Variants in FER observed in about 807,000 individuals in gnomAD.
The protein encoded by FER is tyrosine-protein kinase Fer.
FER carries 63 observed loss-of-function variants against 111.0 expected under a neutral mutation model. That is an observed-to-expected ratio of 0.57 (90% CI 0.46 to 0.70). FER has a LOEUF of 0.70. Ranked by LOEUF, FER falls within the 30% of genes least tolerant of loss-of-function variation. The pLI is 0.00. For missense variants in FER, 914 were observed against 954.0 expected, an observed-to-expected ratio of 0.96 and a Z score of 0.55; for synonymous variants, 327 against 313.9, an observed-to-expected ratio of 1.04 and a Z score of -0.44.
At chr5:109,085,007 T>G (rs1212503041) in intron 16 of FER, among the ~76,000 whole-genome samples, 1 of 151,866 alleles carries the variant, frequency 6.6e-6, no homozygotes, top group Non-Finnish European at 1.5e-5. Context: ...TAAAATTGGA[T>G]AGTCAAACTC....
At chr5:109,029,656 A>G (rs1769316736) in intron 13 of FER, among the ~76,000 whole-genome samples, 1 of 152,016 alleles carries the variant, frequency 6.6e-6, no homozygotes, top group Admixed American at 6.6e-5. Flanking sequence ...ATACTGTGCT[A>G]CTTTTGTCCA....
Position 108,935,075 on chromosome 5 carries a change from G to T in FER, c.1237-11055G>T, listed in dbSNP as rs540018092. 2.0e-5 allele frequency among the ~76,000 whole-genome samples: 3 copies of T among 152,158 alleles called. No homozygotes were observed. The South Asian group carries it at 6.2e-4, about 32-fold the overall frequency. ...TTCTTAGACATTTAAGGTAGCTGCT[G>T]CTTATAAGGTAAATATGCAGTGATT... On this transcript the variant is annotated intron_variant, in intron 10 of 19. Coordinates refer to ENST00000281092, the MANE Select transcript of FER (RefSeq NM_005246.4).
chr5:109,031,451 A>G (rs1466961446), intron 13 of FER, among the ~76,000 whole-genome samples: 1 of 152,194 alleles, frequency 6.6e-6, no homozygotes, highest in African/African-American at 2.4e-5. Flanking sequence ...TGGATAATAT[A>G]CATTCTATAT....
At chr5:108,811,170 T>C (rs1757718929) in intron 3 of FER, among the ~76,000 whole-genome samples, 1 of 151,624 alleles carries the variant, frequency 6.6e-6, no homozygotes, top group Non-Finnish European at 1.5e-5. Context: ...TCTGCCTAGG[T>C]GTGAAGTGGA....
chr5:109,037,348 C>A, intron 13 of FER, 74 bp from the exon 14 acceptor site: 1 of 1,279,084 alleles, frequency 7.8e-7, no homozygotes, highest in Admixed American at 1.8e-5. Flanking sequence ...GGTCGACTTT[C>A]CACTGGCTCA....
intron 1 of FER, among the ~76,000 whole-genome samples, chr5:108,764,076 A>G (rs10056910): frequency 0.52 from 78,400 of 151,856 alleles, 21,901 homozygotes; most frequent in African/African-American, 0.72. Flanking sequence ...TCCCAGACCC[A>G]GGTTATGTTC....
intron 11 of FER, among the ~76,000 whole-genome samples, chr5:108,950,394 C>CTAGT (rs551534937): frequency 7.2e-5 from 11 of 152,080 alleles, no homozygotes; most frequent in African/African-American, 2.4e-4. Context: ...AATTTTACAG[C>CTAGT]TAGTTTCATT....
At chr5:108,819,055 G>T (rs1036664209) in intron 3 of FER, among the ~76,000 whole-genome samples, 2 of 151,902 alleles carry the variant, frequency 1.3e-5, no homozygotes, top group African/African-American at 4.8e-5. Context: ...TAGCTCTGTC[G>T]CTTAGGCTGG....
At chr5:109,055,248 C>T (rs1773466080) in intron 16 of FER, among the ~76,000 whole-genome samples, 1 of 152,040 alleles carries the variant, frequency 6.6e-6, no homozygotes, top group Non-Finnish European at 1.5e-5. Flanking sequence ...GGGACATTGG[C>T]CTTGGTGATG....
intron 3 of FER, among the ~76,000 whole-genome samples, chr5:108,799,846 CTTT>C (rs112192717): frequency 2.9e-5 from 4 of 138,942 alleles, no homozygotes; most frequent in Admixed American, 7.3e-5. Flanking sequence ...CTTTTCTTTT[CTTT>C]TTTTTTTTTT....
chr5:108,760,897 G>C (rs1751659421), intron 1 of FER, among the ~76,000 whole-genome samples: 1 of 151,760 alleles, frequency 6.6e-6, no homozygotes, highest in Admixed American at 6.6e-5. Flanking sequence ...GTGGGTGTTT[G>C]GTTCAAGAGG....
Position 108,963,851 on chromosome 5 carries a change from C to A in FER, c.1656+4504C>A, listed in dbSNP as rs917879757. Among the ~76,000 whole-genome samples, 27 of 152,214 alleles carry A rather than the reference C, an allele frequency of 1.8e-4. 1 individual carries two copies. The East Asian group carries it at 5.0e-3, about 28-fold the overall frequency. Reference sequence around the variant, plus strand: ...GAAACTGCACTTTAAGCGCTGTTTACATTGTTAGTTTTAGATGATGTAAAG... The same window carrying A: ...GAAACTGCACTTTAAGCGCTGTTTAAATTGTTAGTTTTAGATGATGTAAAG... On this transcript the variant is annotated intron_variant, in intron 13 of 19. Transcript: ENST00000281092.
At chr5:108,822,258 TTATC>T (rs569619092) in intron 3 of FER, among the ~76,000 whole-genome samples, 47 of 152,324 alleles carry the variant, frequency 3.1e-4, no homozygotes, top group South Asian at 8.3e-4. Flanking sequence ...TATAATTTCT[TTATC>T]TATTCATTTG....
intron 17 of FER, among the ~76,000 whole-genome samples, chr5:109,125,899 CTTTG>C (rs1284975117): frequency 6.6e-6 from 1 of 152,164 alleles, no homozygotes; most frequent in African/African-American, 2.4e-5. Context: ...TTTCGGGACT[CTTTG>C]TTCTTCTCCT....
At chr5:108,769,478 G>C (rs763698003) in intron 2 of FER, among the ~76,000 whole-genome samples, 24 of 152,168 alleles carry the variant, frequency 1.6e-4, no homozygotes, top group Non-Finnish European at 2.9e-4. Context: ...GAAGGGTTTG[G>C]CCCGAGGTTT....
intron 15 of FER, among the ~76,000 whole-genome samples, chr5:109,045,987 C>T (rs1400058107): frequency 6.6e-6 from 1 of 152,012 alleles, no homozygotes; most frequent in Non-Finnish European, 1.5e-5. Flanking sequence ...TCTTTTTTTA[C>T]GTGCTATCCT....
At chr5:108,838,194 G>A (rs531094936) in intron 5 of FER, among the ~76,000 whole-genome samples, 1 of 152,236 alleles carries the variant, frequency 6.6e-6, no homozygotes, top group Non-Finnish European at 1.5e-5. Flanking sequence ...TTACAAGGAT[G>A]ATGAGCTGTA....
At chr5:109,017,296 A>G (rs562790730) in intron 13 of FER, among the ~76,000 whole-genome samples, 1 of 152,142 alleles carries the variant, frequency 6.6e-6, no homozygotes, top group South Asian at 2.1e-4. Flanking sequence ...TATTTTGCAA[A>G]TCAAAAATTA....
intron 10 of FER, among the ~76,000 whole-genome samples, chr5:108,942,981 C>T (rs1159148518): frequency 6.6e-6 from 1 of 152,092 alleles, no homozygotes; most frequent in African/African-American, 2.4e-5. Context: ...TAATCACTTT[C>T]ATTGTTCTGT....
Sources: allele counts gnomAD v4.1 joint callset (sites outside exome capture counted in the v4.1 genomes callset), GRCh38; gene constraint gnomAD v4.1.1; transcripts MANE v1.5; gene names NCBI Gene and HGNC (gene_info 2026-07-23, HGNC 2026-07-21).